Variants in AP3M2 observed in about 807,000 individuals in gnomAD.
The protein encoded by AP3M2 is AP-3 complex subunit mu-2.
In AP3M2, 28 loss-of-function variants were observed where a neutral mutation model predicts 41.6. The ratio of observed to expected loss-of-function variants is 0.67; its 90% CI spans 0.50 to 0.92. The LOEUF is 0.92. Among genes scored for constraint, AP3M2 ranks in the 40% least tolerant of loss-of-function variants. The pLI, the probability that AP3M2 is intolerant of heterozygous loss-of-function variation, is 0.00. For synonymous variants in AP3M2, 193 were observed against 186.4 expected, an observed-to-expected ratio of 1.04 and a Z score of -0.29; for missense variants, 427 against 521.4, an observed-to-expected ratio of 0.82 and a Z score of 1.76.
At chr8:42,164,936 G>A (rs1804600035) in intron 4 of AP3M2, 135 bp from the exon 5 acceptor site, 1 of 677,658 alleles carries the variant, frequency 1.5e-6, no homozygotes, top group Admixed American at 3.1e-5. Context: ...AGGAAAGAAA[G>A]GGAGAGAGAG....
Position 42,158,004 on chromosome 8 carries a change from T to G in AP3M2, c.337T>G (p.Leu113Val), listed in dbSNP as rs745469821. The G allele has an allele frequency of 1.5e-5, 24 of 1,614,092 alleles. No individual in the cohort carries two copies. Among genetic ancestry groups the G allele is most frequent in the Non-Finnish European group, 1.9e-5 (23 of 1,180,042 alleles). ...KDNVVVVYEVLEEMLDNGFPL... is the reference protein window; with the variant it reads ...KDNVVVVYEVVEEMLDNGFPL... ...CAATGTAGTTGTGGTTTATGAGGTA[T>G]TGGAAGAGATGCTTGACAATGGTTT... The change falls in exon 3 of 9, where the codon TTG becomes GTG. Residue 113 changes from leucine (L) to valine (V), a missense_variant. Leu to Val is a conservative substitution (Grantham distance 32). Transcript: ENST00000396926.
chr8:42,161,809 C>T (rs2150958895), intron 3 of AP3M2, among the ~76,000 whole-genome samples: 1 of 152,256 alleles, frequency 6.6e-6, no homozygotes. Flanking sequence ...TGTTCTTTTC[C>T]TAAGTTTCAG....
chr8:42,165,087 T>C lies in AP3M2; in HGVS notation c.600T>C (p.Ala200=), dbSNP rs202115677. The C allele has an allele frequency of 2.5e-5, 41 of 1,613,376 alleles. No individual in the cohort carries two copies. The highest frequency in any genetic ancestry group is 3.5e-5 in the Non-Finnish European group (41 of 1,179,396). Residue 200 remains alanine (A), a synonymous_variant, in exon 5 of 9, where the codon GCT becomes GCC. Transcript: ENST00000396926. ...CTGTCTCAGGCTCCACAATTACTGC[T>C]GAGATCCAGGGGGTGATTGATGCCT... is the stretch of plus-strand genomic sequence containing the variant. The part of the protein sequence containing the change: ...IIDKSGSTIT[A]EIQGVIDACV...
rs1212461624 is a variant in AP3M2, at chr8:42,170,021, T to G, written c.*960T>G. On this transcript the variant is annotated 3_prime_UTR_variant, in exon 9 of 9. Coordinates refer to ENST00000396926, the MANE Select transcript of AP3M2 (RefSeq NM_006803.4). Reference sequence around the variant, plus strand: ...CCCCAGTGCAGCCAGGGTTTGTGTGTCATCGTACTGGAGTAGAGGGCCGAC... The same window carrying G: ...CCCCAGTGCAGCCAGGGTTTGTGTGGCATCGTACTGGAGTAGAGGGCCGAC... The G allele has an allele frequency of 6.6e-6, 1 of 151,934 alleles. No homozygotes were observed. The highest frequency in any genetic ancestry group is 2.4e-5 in the African/African-American group (1 of 41,450). 9.4% of individuals were successfully genotyped at this position (151,934 alleles called of 1,614,324 possible). A position where few individuals can be genotyped will look rare whatever the true frequency, so the allele number is the denominator to read the frequency against.
Position 42,162,306 on chromosome 8 carries a change from T to C in AP3M2, c.471T>C (p.Leu157=). ...ITGSTNVGDQ[L]PTGQLSVVPW... ...GAAGCACGAATGTGGGTGACCAGCT[T>C]CCCACTGGGCAGCTGTCAGTGGTGC... Residue 157 remains leucine (L), a synonymous_variant, in exon 4 of 9, where the codon CTT becomes CTC. Coordinates refer to ENST00000396926, the MANE Select transcript of AP3M2 (RefSeq NM_006803.4). The C allele has an allele frequency of 6.2e-7, 1 of 1,613,094 alleles. No homozygotes were observed. Among genetic ancestry groups the C allele is most frequent in the Non-Finnish European group, 8.5e-7 (1 of 1,179,534 alleles).
At chr8:42,155,267 T>C (rs989484933) in intron 2 of AP3M2, among the ~76,000 whole-genome samples, 1 of 152,228 alleles carries the variant, frequency 6.6e-6, no homozygotes, top group Admixed American at 6.5e-5. Flanking sequence ...TGTTTTTGCC[T>C]GGTGGTCTTG....
intron 3 of AP3M2, among the ~76,000 whole-genome samples, chr8:42,161,635 A>G (rs1587915147): frequency 6.6e-6 from 1 of 152,346 alleles, no homozygotes; most frequent in Middle Eastern, 3.4e-3. Flanking sequence ...AAGACAGAAA[A>G]TAAAAGGATC....
intron 5 of AP3M2, 92 bp downstream of exon 5, chr8:42,165,248 A>G: frequency 6.8e-7 from 1 of 1,472,388 alleles, no homozygotes; most frequent in Non-Finnish European, 9.3e-7. Flanking sequence ...GAACAAGAAG[A>G]AATAATTAGG....
intron 3 of AP3M2, among the ~76,000 whole-genome samples, chr8:42,158,885 C>T (rs1300912221): frequency 6.6e-6 from 1 of 151,966 alleles, no homozygotes; most frequent in African/African-American, 2.4e-5. Flanking sequence ...CCTCCGCCTC[C>T]CAGGCTCAAG....
At chr8:42,158,135 T>C (rs763321620) in intron 3 of AP3M2, 23 bp downstream of exon 3, 18 of 1,604,940 alleles carry the variant, frequency 1.1e-5, no homozygotes, top group Non-Finnish European at 1.5e-5. Context: ...GGGAAACTGA[T>C]AGATAGTGGC....
intron 2 of AP3M2, 63 bp from the exon 3 acceptor site, chr8:42,157,878 T>TTTTA (rs770631079): frequency 1.4e-4 from 201 of 1,485,146 alleles, no homozygotes; most frequent in Non-Finnish European, 1.7e-4. Flanking sequence ...AGGCACATTC[T>TTTTA]TTTATTTATT....
chr8:42,170,824 T>C lies in AP3M2; in HGVS notation c.*1763T>C, dbSNP rs541162790. 1 of 152,372 alleles carries C rather than the reference T, an allele frequency of 6.6e-6. No homozygotes were observed. Among genetic ancestry groups the C allele is most frequent in the East Asian group, 1.9e-4 (1 of 5,192 alleles). The allele number at this position is 152,372 out of a possible 1,614,324, so 9.4% of individuals were successfully genotyped here. On this transcript the variant is annotated 3_prime_UTR_variant, in exon 9 of 9. Coordinates refer to ENST00000396926, the MANE Select transcript of AP3M2 (RefSeq NM_006803.4). ...TTGGAAGCACCTCTCCTGAGGAACC[T>C]ACAGGATTCTAAGGTTTCCTAGGTC...
rs187270939 is a variant in AP3M2, at chr8:42,168,224, A to C, written c.1156+414A>C. ...GACTTTCATGTTTGCTCTTATTTCT[A>C]TTTTGGAACCACTGGGCCTTTCCAG... On this transcript the variant is annotated intron_variant, in intron 8 of 8. Coordinates refer to ENST00000396926, the MANE Select transcript of AP3M2 (RefSeq NM_006803.4). 4.4e-4 allele frequency: 202 copies of C among 457,824 alleles called. 1 individual carries two copies. The highest frequency in any genetic ancestry group is 3.4e-4 in the Non-Finnish European group (78 of 228,188). The allele number at this position is 457,824 out of a possible 1,614,324, so 28.4% of individuals were successfully genotyped here.
intron 2 of AP3M2, among the ~76,000 whole-genome samples, chr8:42,155,192 G>A (rs1458295068): frequency 6.6e-6 from 1 of 152,184 alleles, no homozygotes; most frequent in East Asian, 1.9e-4. Flanking sequence ...CATCCTATTT[G>A]CGATGACTAT....
In AP3M2 at chr8:42,167,515, C is replaced by T. The variant is rs36112005; in HGVS notation, c.1011+144C>T. ...CTCCTGCCAGGTAACTTAACAGTAA[C>T]ACGTAGGATTCTCAATGGAAAGATA... On this transcript the variant is annotated intron_variant, in intron 7 of 8. Coordinates refer to ENST00000396926, the MANE Select transcript of AP3M2 (RefSeq NM_006803.4). 7 of 1,351,356 alleles carry T rather than the reference C, an allele frequency of 5.2e-6. No individual in the cohort carries two copies. In the East Asian group the frequency reaches 1.4e-4, roughly 27 times the overall value. The allele number at this position is 1,351,356 out of a possible 1,614,324, so 83.7% of individuals were successfully genotyped here. A position where few individuals can be genotyped will look rare whatever the true frequency, so the allele number is the denominator to read the frequency against.
Position 42,169,159 on chromosome 8 carries a change from C to T in AP3M2, c.*98C>T, listed in dbSNP as rs1281954227. 1 of 929,516 alleles carries T rather than the reference C, an allele frequency of 1.1e-6. No individual in the cohort carries two copies. Among genetic ancestry groups the T allele is most frequent in the East Asian group, 2.8e-5 (1 of 35,144 alleles). The allele number at this position is 929,516 out of a possible 1,614,324, so 57.6% of individuals were successfully genotyped here. On this transcript the variant is annotated 3_prime_UTR_variant, in exon 9 of 9. Transcript: ENST00000396926. ...TCAGCCTGTCTCCTAGGTCAGTCCCCTCCTGGACCCACCCGCTCCCTTTTT... is the reference window on the plus strand; with the variant it reads ...TCAGCCTGTCTCCTAGGTCAGTCCCTTCCTGGACCCACCCGCTCCCTTTTT...
In AP3M2 at chr8:42,153,071, C is replaced by G. The variant is rs879513342; in HGVS notation, c.-107C>G. The G allele has an allele frequency of 6.6e-6, 1 of 151,838 alleles. No individual in the cohort carries two copies. The highest frequency in any genetic ancestry group is 1.5e-5 in the Non-Finnish European group (1 of 68,066). 9.4% of individuals were successfully genotyped at this position (151,838 alleles called of 1,614,324 possible). A position where few individuals can be genotyped will look rare whatever the true frequency, so the allele number is the denominator to read the frequency against. ...CGGGCGGGGCGGGGCCTGTCCGCGC[C>G]TAGGAGCAGTGGGCGCTGAGAGCAG... On this transcript the variant is annotated 5_prime_UTR_variant, in exon 1 of 9. Coordinates refer to ENST00000396926, the MANE Select transcript of AP3M2 (RefSeq NM_006803.4).
intron 2 of AP3M2, 102 bp from the exon 3 acceptor site, chr8:42,157,839 C>T (rs1804397745): frequency 8.6e-7 from 1 of 1,156,210 alleles, no homozygotes; most frequent in African/African-American, 1.6e-5. Flanking sequence ...CCCAGAAACA[C>T]ATGGACAGGC....
At chr8:42,157,519 C>T (rs1386370701) in intron 2 of AP3M2, among the ~76,000 whole-genome samples, 1 of 152,172 alleles carries the variant, frequency 6.6e-6, no homozygotes, top group East Asian at 1.9e-4. Context: ...AACTCTTATT[C>T]ACTGCATGAA....
Sources: gnomAD v4.1 joint callset for allele counts (sites outside exome capture counted in the v4.1 genomes callset) on GRCh38, gnomAD v4.1.1 for gene constraint, MANE v1.5 for transcripts, NCBI Gene and HGNC (gene_info 2026-07-23, HGNC 2026-07-21) for gene names.